The following GRID2 variants were observed in gnomAD, a reference collection of about 807,000 sequenced individuals.
The protein encoded by GRID2 is glutamate ionotropic receptor delta type subunit 2.
Under a neutral mutation model 114.8 loss-of-function variants are expected in GRID2, and 33 were observed. The observed-to-expected ratio is 0.29, with a 90% CI of 0.22 to 0.38. The LOEUF is 0.38. Among genes scored for constraint, GRID2 ranks in the 10% least tolerant of loss-of-function variants. GRID2 has a pLI of 1.00. For missense variants in GRID2, 1,184 were observed against 1,257.7 expected (o/e 0.94, Z 0.89); for synonymous variants, 505 against 449.9 (o/e 1.12, Z -1.55).
At chr4:93,666,519 G>A (rs970280601) in intron 14 of GRID2, among the ~76,000 whole-genome samples, 2 of 152,020 alleles carry the variant, frequency 1.3e-5, no homozygotes, top group African/African-American at 4.8e-5. Flanking sequence ...ATAAGCACCT[G>A]GAACAGTGCC....
rs1306816888 is a variant in GRID2 at position 93,455,810 on chromosome 4, T to G, written c.1694T>G (p.Phe565Cys). ...TVDMFACLAPFDLSLWACIAG... is the reference protein window; with the variant it reads ...TVDMFACLAPCDLSLWACIAG... ...GATATGTTTGCCTGTCTTGCACCAT[T>G]TGATCTCTCTCTATGGGCTTGCATT... is the stretch of plus-strand genomic sequence containing the variant. The change falls in exon 11 of 16, where the codon TTT (phenylalanine) becomes TGT (cysteine). Residue 565 changes from phenylalanine to cysteine, a missense_variant. Coordinates refer to ENST00000282020, the MANE Select transcript of GRID2 (RefSeq NM_001510.4). 6.2e-7 allele frequency: 1 copy of G among 1,613,692 alleles called. No homozygotes were observed. The highest frequency in any genetic ancestry group is 8.5e-7 in the Non-Finnish European group (1 of 1,179,772).
intron 2 of GRID2, among the ~76,000 whole-genome samples, chr4:93,027,787 T>C (rs1448002608): frequency 6.6e-6 from 1 of 152,152 alleles, no homozygotes; most frequent in South Asian, 2.1e-4. Flanking sequence ...TTTAATATCT[T>C]AGGATACATT....
At chr4:93,060,376 A>C (rs966038385) in intron 2 of GRID2, among the ~76,000 whole-genome samples, 1 of 152,132 alleles carries the variant, frequency 6.6e-6, no homozygotes. Context: ...ACTGCCTGCT[A>C]TATTCTGATA....
At chr4:92,587,905 TAAG>T (rs1304416784) in intron 1 of GRID2, among the ~76,000 whole-genome samples, 2 of 152,160 alleles carry the variant, frequency 1.3e-5, no homozygotes, top group Admixed American at 1.3e-4. Flanking sequence ...ACAAGGTTGA[TAAG>T]AAGCCCTTTT....
intron 10 of GRID2, among the ~76,000 whole-genome samples, chr4:93,449,255 A>G (rs2149402938): frequency 6.6e-6 from 1 of 152,116 alleles, no homozygotes; most frequent in Admixed American, 6.5e-5. Context: ...TGTGTGCCAA[A>G]ACTCTTCAGT....
At chr4:93,006,438 A>G (rs1299811930) in intron 2 of GRID2, among the ~76,000 whole-genome samples, 1 of 152,092 alleles carries the variant, frequency 6.6e-6, no homozygotes, top group Non-Finnish European at 1.5e-5. Context: ...CAGATGAAAT[A>G]GAAAAGAAGG....
chr4:93,566,348 T>C (rs1342803079), intron 13 of GRID2, among the ~76,000 whole-genome samples: 1 of 152,146 alleles, frequency 6.6e-6, no homozygotes, highest in Non-Finnish European at 1.5e-5. Flanking sequence ...AAATGAGTAG[T>C]TGCCAAGACT....
At chr4:92,482,089 A>G (rs1289437391) in intron 1 of GRID2, among the ~76,000 whole-genome samples, 2 of 144,222 alleles carry the variant, frequency 1.4e-5, no homozygotes, top group South Asian at 2.2e-4. Flanking sequence ...TTCAAGATTT[A>G]TATATATCTA....
At chr4:93,137,115 G>T (rs1201560296) in intron 4 of GRID2, among the ~76,000 whole-genome samples, 2 of 152,062 alleles carry the variant, frequency 1.3e-5, no homozygotes, top group Non-Finnish European at 2.9e-5. Flanking sequence ...ATGAAATTAA[G>T]CTTATAACTG....
At chr4:93,116,874 C>T (rs1220312503) in intron 4 of GRID2, among the ~76,000 whole-genome samples, 1 of 151,902 alleles carries the variant, frequency 6.6e-6, no homozygotes, top group Non-Finnish European at 1.5e-5. Flanking sequence ...AATAAAGTGC[C>T]TTTAAATAGA....
intron 7 of GRID2, among the ~76,000 whole-genome samples, chr4:93,235,369 C>A (rs1398136859): frequency 1.3e-5 from 2 of 152,052 alleles, no homozygotes; most frequent in Admixed American, 1.3e-4. Context: ...TGTTGAAAAT[C>A]TGCTGCATCA....
At chr4:93,532,605 C>G (rs1408161027) in intron 13 of GRID2, among the ~76,000 whole-genome samples, 4 of 152,090 alleles carry the variant, frequency 2.6e-5, no homozygotes, top group Non-Finnish European at 5.9e-5. Context: ...GCTCAAGAAG[C>G]TTTTATCAGC....
At chr4:92,459,561 T>C (rs888843013) in intron 1 of GRID2, among the ~76,000 whole-genome samples, 6 of 152,162 alleles carry the variant, frequency 3.9e-5, no homozygotes, top group African/African-American at 1.4e-4. Context: ...TCAATTAGTA[T>C]ATTCTCTCCT....
chr4:92,802,702 C>A (rs1247979036), intron 2 of GRID2, among the ~76,000 whole-genome samples: 1 of 151,854 alleles, frequency 6.6e-6, no homozygotes, highest in Non-Finnish European at 1.5e-5. Context: ...TTGTGTTTCC[C>A]AGCTCTCTAT....
chr4:92,519,309 G>A (rs1724657927), intron 1 of GRID2, among the ~76,000 whole-genome samples: 1 of 151,704 alleles, frequency 6.6e-6, no homozygotes, highest in South Asian at 2.1e-4. Context: ...CTACCCATAA[G>A]TTATTGTGAA....
chr4:93,311,774 G>A (rs1180668584), intron 8 of GRID2, among the ~76,000 whole-genome samples: 1 of 152,138 alleles, frequency 6.6e-6, no homozygotes, highest in African/African-American at 2.4e-5. Flanking sequence ...GATCAACAAG[G>A]CCAAATGATG....
intron 2 of GRID2, among the ~76,000 whole-genome samples, chr4:92,966,468 C>G (rs1367666693): frequency 6.6e-6 from 1 of 151,862 alleles, no homozygotes; most frequent in Non-Finnish European, 1.5e-5. Flanking sequence ...TCAGTGGGCT[C>G]TGATATAGCT....
At chr4:92,957,979 T>G (rs1220745977) in intron 2 of GRID2, among the ~76,000 whole-genome samples, 1 of 152,100 alleles carries the variant, frequency 6.6e-6, no homozygotes, top group Non-Finnish European at 1.5e-5. Flanking sequence ...GGAAAGTGAT[T>G]AACTTGTGTA....
intron 2 of GRID2, among the ~76,000 whole-genome samples, chr4:92,714,037 A>G (rs1735411267): frequency 6.6e-6 from 1 of 151,552 alleles, no homozygotes; most frequent in African/African-American, 2.4e-5. Context: ...CCAACATCTC[A>G]TCTGAGACAA....
Sources: gnomAD v4.1 joint callset for allele counts (sites outside exome capture counted in the v4.1 genomes callset) on GRCh38, gnomAD v4.1.1 for gene constraint, MANE v1.5 for transcripts, NCBI Gene and HGNC (gene_info 2026-07-23, HGNC 2026-07-21) for gene names.